KRTAP10-9: variants seen among roughly 807,000 people sequenced by gnomAD.
KRTAP10-9 encodes the protein keratin-associated protein 10-9.
A neutral mutation model predicts 0.5 loss-of-function variants in KRTAP10-9; 1 was observed. The ratio of observed to expected loss-of-function variants is 1.92; its 90% confidence interval spans 0.68 to 9.09. The LOEUF (loss-of-function observed/expected upper bound fraction) is 9.09. Among genes scored for constraint, KRTAP10-9 ranks in the 30% most tolerant of loss-of-function variants. KRTAP10-9 has a pLI of 0.13. For missense variants in KRTAP10-9, 391 were observed against 376.4 expected, an observed-to-expected ratio of 1.04 and a Z score of -0.32; for synonymous variants, 199 against 159.8, an observed-to-expected ratio of 1.25 and a Z score of -1.85.
In KRTAP10-9 at chr21:44,627,911, T is replaced by C. The variant is rs1464826587; in HGVS notation, c.740T>C (p.Val247Ala). The C allele has an allele frequency of 6.6e-7, 1 of 1,520,036 alleles. No homozygotes were observed. Among genetic ancestry groups the C allele is most frequent in the Non-Finnish European group, 8.9e-7 (1 of 1,118,428 alleles). The allele number at this position is 1,520,036 out of a possible 1,614,324, so 94.2% of individuals were successfully genotyped here. Residue 247 changes from valine to alanine, a missense_variant, in exon 1 of 1, where the codon GTC becomes GCC. Physicochemically the swap from Val to Ala is moderately conservative, Grantham distance 64 (BLOSUM62 0). Transcript: ENST00000397911. ...PVCRPACCVP[V>A]SSCCAPTSSR... ...TGCAGGCCCGCCTGCTGCGTGCCCG[T>C]CTCCTCCTGCTGTGCCCCCACCTCC...
At position 44,627,329 on chromosome 21, in the gene KRTAP10-9, T is replaced by TG; in HGVS notation, n.207_208insG. On this transcript the variant is annotated non_coding_transcript_exon_variant, in exon 1 of 2. Transcript: ENST00000484861. ...CTGGTCTGCACCCCAGTGAGCCGTG[T>TG]ATCCAGCCCCTGCTGCCAGGTGACC... is the stretch of plus-strand genomic sequence containing the variant. 1.9e-6 allele frequency: 3 copies of TG among 1,613,160 alleles called. No individual in the cohort carries two copies. In the African/African-American group the frequency reaches 4.0e-5, roughly 21 times the overall value.
At position 44,628,075 on chromosome 21, in the gene KRTAP10-9, G is replaced by C. The variant is rs587628552; in HGVS notation, c.*25G>C. The C allele has an allele frequency of 1.3e-6, 2 of 1,595,562 alleles. No individual in the cohort carries two copies. Among genetic ancestry groups the C allele is most frequent in the African/African-American group, 1.3e-5 (1 of 74,824 alleles). ...ACGGTCATGTCCCCCAGGGCCAGCC[G>C]GGCTCAGGCCCCACCTCCCTGCCAG... On this transcript the variant is annotated 3_prime_UTR_variant, in exon 1 of 1. Transcript: ENST00000397911.
In KRTAP10-9 at chr21:44,627,146, C is replaced by A. The variant is rs1555934524; in HGVS notation, c.-26C>A. The A allele has an allele frequency of 1.2e-6, 2 of 1,603,412 alleles. No individual in the cohort carries two copies. The highest frequency in any genetic ancestry group is 1.7e-6 in the Non-Finnish European group (2 of 1,174,812). ...ACTCACACACTCACTTACACCTCCC[C>A]CAGCTCACCTCCTCCCCACCCCAGC... is the stretch of plus-strand genomic sequence containing the variant. On this transcript the variant is annotated 5_prime_UTR_variant, in exon 1 of 1. Coordinates refer to ENST00000397911, the MANE Select transcript of KRTAP10-9 (RefSeq NM_198690.3).
rs143023999 is a variant in KRTAP10-9 at position 44,627,179 on chromosome 21, C to T, written c.8C>T (p.Ala3Val). The stretch of plus-strand genomic sequence containing the variant: ...CCTCCTCCCCACCCCAGCATGGCCG[C>T]GTCCACCATGTCCATCCGCTCCAGC... MA[A>V]STMSIRSSAY... The change falls in exon 1 of 1, where the codon GCG becomes GTG. Residue 3 changes from alanine to valine, a missense_variant. Coordinates refer to ENST00000397911, the MANE Select transcript of KRTAP10-9 (RefSeq NM_198690.3). The T allele has an allele frequency of 1.4e-3, 2,306 of 1,612,484 alleles. 38 individuals are homozygous for T. In the African/African-American group the frequency reaches 0.028, roughly 19 times the overall value.
At position 44,627,308 on chromosome 21, in the gene KRTAP10-9, T is replaced by C. The variant is rs1982879440; in HGVS notation, c.137T>C (p.Val46Ala). 6.2e-7 allele frequency: 1 copy of C among 1,612,780 alleles called. No homozygotes were observed. The highest frequency in any genetic ancestry group is 8.5e-7 in the Non-Finnish European group (1 of 1,179,922). Residue 46 changes from valine to alanine, a missense_variant, in exon 1 of 1, where the codon GTC (valine) becomes GCC (alanine). Val to Ala is a moderately conservative substitution (Grantham distance 64). Transcript: ENST00000397911. ...GCCCCGGCCCCCTGCCTGACCCTGGTCTGCACCCCAGTGAGCCGTGTATCC... is the reference window on the plus strand; with the variant it reads ...GCCCCGGCCCCCTGCCTGACCCTGGCCTGCACCCCAGTGAGCCGTGTATCC... The part of the protein sequence containing the change: ...CCAPAPCLTL[V>A]CTPVSRVSSP...
In KRTAP10-9 at chr21:44,627,561, C is replaced by T. The variant is rs1982919922; in HGVS notation, c.390C>T (p.Cys130=). 1 of 1,613,102 alleles carries T rather than the reference C, an allele frequency of 6.2e-7. No individual in the cohort carries two copies. Among genetic ancestry groups the T allele is most frequent in the Non-Finnish European group, 8.5e-7 (1 of 1,179,838 alleles). ...CCQQSSYQPA[C]CASSSCQPAC... is the part of the protein sequence containing the mutation. ...AACAGTCTAGCTACCAGCCAGCTTG[C>T]TGTGCCTCTTCCTCCTGCCAGCCGG... Residue 130 remains cysteine (C), a synonymous_variant, in exon 1 of 1, where the codon TGC becomes TGT. Coordinates refer to ENST00000397911, the MANE Select transcript of KRTAP10-9 (RefSeq NM_198690.3).
Position 44,627,904 on chromosome 21 carries a change from G to C in KRTAP10-9, c.733G>C (p.Val245Leu). 2.0e-6 allele frequency: 3 copies of C among 1,520,014 alleles called. No individual in the cohort carries two copies. 94.2% of individuals were successfully genotyped at this position (1,520,014 alleles called of 1,614,324 possible). ...CCCTGTGTGCAGGCCCGCCTGCTGC[G>C]TGCCCGTCTCCTCCTGCTGTGCCCC... is the stretch of plus-strand genomic sequence containing the variant. ...CRPVCRPACC[V>L]PVSSCCAPTS... Residue 245 changes from valine (V) to leucine (L), a missense_variant, in exon 1 of 1, where the codon GTG (valine) becomes CTG (leucine). Transcript: ENST00000397911.
At position 44,627,600 on chromosome 21, in the gene KRTAP10-9, C is replaced by G; in HGVS notation, c.429C>G (p.Pro143=). 1 of 1,612,756 alleles carries G rather than the reference C, an allele frequency of 6.2e-7. No individual in the cohort carries two copies. The highest frequency in any genetic ancestry group is 1.3e-5 in the African/African-American group (1 of 74,566). ...SSSCQPACCV[P]VCCKPVCCAP... is the part of the protein sequence containing the mutation. ...CCTGCCAGCCGGCCTGCTGTGTGCC[C>G]GTCTGCTGCAAACCTGTGTGCTGTG... Residue 143 remains proline, a synonymous_variant, in exon 1 of 1, where the codon CCC becomes CCG. Transcript: ENST00000397911.
Position 44,627,272 on chromosome 21 carries a change from C to T in KRTAP10-9, c.101C>T (p.Thr34Ile), listed in dbSNP as rs587608328. 44 of 1,612,632 alleles carry T rather than the reference C, an allele frequency of 2.7e-5. 1 individual carries two copies. In the Middle Eastern group the frequency reaches 8.1e-4, roughly 30 times the overall value. The change falls in exon 1 of 1, where the codon ACC becomes ATC. Residue 34 changes from threonine to isoleucine, a missense_variant. Thr to Ile is a moderately conservative substitution (Grantham distance 89). Coordinates refer to ENST00000397911, the MANE Select transcript of KRTAP10-9 (RefSeq NM_198690.3). ...TGCTGTGAGCCCCCCTGCTGCGCCA[C>T]CAGCTGCTGCGCCCCGGCCCCCTGC... ...ESCCEPPCCA[T>I]SCCAPAPCLT...
Position 44,627,165 on chromosome 21 carries a change from C to A in KRTAP10-9, c.-7C>A, listed in dbSNP as rs587663599. 1 of 1,610,434 alleles carries A rather than the reference C, an allele frequency of 6.2e-7. No homozygotes were observed. The highest frequency in any genetic ancestry group is 8.5e-7 in the Non-Finnish European group (1 of 1,178,508). On this transcript the variant is annotated 5_prime_UTR_variant, in exon 1 of 1. Coordinates refer to ENST00000397911, the MANE Select transcript of KRTAP10-9 (RefSeq NM_198690.3). ...CCTCCCCCAGCTCACCTCCTCCCCA[C>A]CCCAGCATGGCCGCGTCCACCATGT...
In KRTAP10-9 at chr21:44,627,290, C is replaced by A. The variant is rs373004395; in HGVS notation, c.119C>A (p.Ala40Asp). 5 of 1,612,578 alleles carry A rather than the reference C, an allele frequency of 3.1e-6. No individual in the cohort carries two copies. The Admixed American group carries it at 6.7e-5, about 21-fold the overall frequency. Reference protein sequence around the residue: ...PCCATSCCAPAPCLTLVCTPV... With the variant: ...PCCATSCCAPDPCLTLVCTPV... Reference sequence around the variant, plus strand: ...TGCGCCACCAGCTGCTGCGCCCCGGCCCCCTGCCTGACCCTGGTCTGCACC... The same window carrying A: ...TGCGCCACCAGCTGCTGCGCCCCGGACCCCTGCCTGACCCTGGTCTGCACC... Residue 40 changes from alanine to aspartate, a missense_variant, in exon 1 of 1, where the codon GCC becomes GAC. Ala to Asp is a moderately radical substitution (Grantham distance 126). Transcript: ENST00000397911.
chr21:44,627,256 C>G lies in KRTAP10-9; in HGVS notation c.85C>G (p.Pro29Ala), dbSNP rs200057010. ...CGACTGCCCAGAGAGCTGCTGTGAG[C>G]CCCCCTGCTGCGCCACCAGCTGCTG... ...VDDCPESCCE[P>A]PCCATSCCAP... Residue 29 changes from proline (P) to alanine (A), a missense_variant, in exon 1 of 1, where the codon CCC becomes GCC. Transcript: ENST00000397911. 3 of 1,612,632 alleles carry G rather than the reference C, an allele frequency of 1.9e-6. No homozygotes were observed. The highest frequency in any genetic ancestry group is 3.3e-5 in the Admixed American group (2 of 60,004).
At position 44,627,807 on chromosome 21, in the gene KRTAP10-9, G is replaced by A. The variant is rs781821933; in HGVS notation, c.636G>A (p.Gln212=). The change falls in exon 1 of 1, where the codon CAG becomes CAA. Residue 212 remains glutamine (Q), a synonymous_variant. Transcript: ENST00000397911. The part of the protein sequence containing the change: ...CSGASSLCCQ[Q]SGCQPACCTT... Reference sequence around the variant, plus strand: ...GGGCTTCCTCTTTGTGCTGCCAGCAGTCTGGCTGCCAGCCGGCTTGCTGCA... The same window carrying A: ...GGGCTTCCTCTTTGTGCTGCCAGCAATCTGGCTGCCAGCCGGCTTGCTGCA... 8.1e-6 allele frequency: 13 copies of A among 1,605,550 alleles called. No homozygotes were observed. In the South Asian group the frequency reaches 1.4e-4, roughly 18 times the overall value.
Position 44,628,195 on chromosome 21 carries a change from C to G in KRTAP10-9, c.*145C>G. 1.0e-6 allele frequency: 1 copy of G among 987,040 alleles called. No homozygotes were observed. The highest frequency in any genetic ancestry group is 1.5e-6 in the Non-Finnish European group (1 of 683,794). The allele number at this position is 987,040 out of a possible 1,614,324, so 61.1% of individuals were successfully genotyped here. ...GCCCAGCCCCGGGGTCTCAGATGCT[C>G]ACTGGCTCCTCCCTGACCTCCCCCC... On this transcript the variant is annotated 3_prime_UTR_variant, in exon 1 of 1. Coordinates refer to ENST00000397911, the MANE Select transcript of KRTAP10-9 (RefSeq NM_198690.3).
Position 44,627,422 on chromosome 21 carries a change from G to A in KRTAP10-9, c.251G>A (p.Ser84Asn). 2.5e-6 allele frequency: 4 copies of A among 1,613,772 alleles called. No homozygotes were observed. Among genetic ancestry groups the A allele is most frequent in the Non-Finnish European group, 3.4e-6 (4 of 1,179,866 alleles). The change falls in exon 1 of 1, where the codon AGC becomes AAC. Residue 84 changes from serine (S) to asparagine (N), a missense_variant. By Grantham distance (46) the Ser-to-Asn change is conservative. Coordinates refer to ENST00000397911, the MANE Select transcript of KRTAP10-9 (RefSeq NM_198690.3). ...SCTPSCCQQS[S>N]CQPAYCTSSP... is the part of the protein sequence containing the mutation. Reference sequence around the variant, plus strand: ...ACGCCCTCGTGCTGCCAGCAGTCTAGCTGCCAGCCGGCTTACTGCACCTCC... The same window carrying A: ...ACGCCCTCGTGCTGCCAGCAGTCTAACTGCCAGCCGGCTTACTGCACCTCC...
Position 44,627,269 on chromosome 21 carries a change from C to T in KRTAP10-9, c.98C>T (p.Ala33Val). ...AGCTGCTGTGAGCCCCCCTGCTGCG[C>T]CACCAGCTGCTGCGCCCCGGCCCCC... ...PESCCEPPCC[A>V]TSCCAPAPCL... The change falls in exon 1 of 1, where the codon GCC becomes GTC. Residue 33 changes from alanine (A) to valine (V), a missense_variant. Transcript: ENST00000397911. 1 of 1,612,642 alleles carries T rather than the reference C, an allele frequency of 6.2e-7. No homozygotes were observed. Among genetic ancestry groups the T allele is most frequent in the South Asian group, 1.1e-5 (1 of 91,012 alleles).
rs587609949 is a variant in KRTAP10-9 at position 44,628,142 on chromosome 21, C to T, written c.*92C>T. On this transcript the variant is annotated 3_prime_UTR_variant, in exon 1 of 1. Coordinates refer to ENST00000397911, the MANE Select transcript of KRTAP10-9 (RefSeq NM_198690.3). ...CCCACCCAGCCTCAGCACAGCTCAA[C>T]ACAGAAGGAGCAGCCCCAGCCACAG... is the stretch of plus-strand genomic sequence containing the variant. 12 of 1,477,784 alleles carry T rather than the reference C, an allele frequency of 8.1e-6. No individual in the cohort carries two copies. The highest frequency in any genetic ancestry group is 2.3e-5 in the East Asian group (1 of 44,064). 91.5% of individuals were successfully genotyped at this position (1,477,784 alleles called of 1,614,324 possible). A position where few individuals can be genotyped will look rare whatever the true frequency, so the allele number is the denominator to read the frequency against.
Position 44,627,754 on chromosome 21 carries a change from C to T in KRTAP10-9, c.583C>T (p.Pro195Ser), listed in dbSNP as rs1287397213. ...PVCCKPVCCK[P>S]ICCVPVCSGA... ...CTGCTGTAAGCCTGTCTGCTGCAAA[C>T]CCATCTGCTGTGTGCCTGTCTGCTC... Residue 195 changes from proline (P) to serine (S), a missense_variant, in exon 1 of 1, where the codon CCC becomes TCC. Coordinates refer to ENST00000397911, the MANE Select transcript of KRTAP10-9 (RefSeq NM_198690.3). 1 of 1,595,662 alleles carries T rather than the reference C, an allele frequency of 6.3e-7. No individual in the cohort carries two copies. Among genetic ancestry groups the T allele is most frequent in the Non-Finnish European group, 8.6e-7 (1 of 1,168,040 alleles).
In KRTAP10-9 at chr21:44,627,867, C is replaced by A. The variant is rs376717374; in HGVS notation, c.696C>A (p.Ser232=). The change falls in exon 1 of 1, where the codon TCC becomes TCA. Residue 232 remains serine, a synonymous_variant. Coordinates refer to ENST00000397911, the MANE Select transcript of KRTAP10-9 (RefSeq NM_198690.3). ...TSCCRPSSSV[S]LLCRPVCRPA... Reference sequence around the variant, plus strand: ...GCTGCAGACCCTCCTCCTCTGTGTCCCTCCTCTGCCGCCCTGTGTGCAGGC... The same window carrying A: ...GCTGCAGACCCTCCTCCTCTGTGTCACTCCTCTGCCGCCCTGTGTGCAGGC... The A allele has an allele frequency of 2.5e-6, 4 of 1,613,582 alleles. No homozygotes were observed. The highest frequency in any genetic ancestry group is 3.4e-6 in the Non-Finnish European group (4 of 1,179,720).
Sources: gnomAD v4.1 joint callset for allele counts on GRCh38, gnomAD v4.1.1 for gene constraint, MANE v1.5 for transcripts, NCBI Gene and HGNC (gene_info 2026-07-23, HGNC 2026-07-21) for gene names.